GFM1: variants seen among roughly 807,000 people sequenced by gnomAD.
GFM1 encodes G elongation factor mitochondrial 1.
GFM1 carries 62 observed loss-of-function variants against 96.2 expected under a neutral mutation model. That is an observed-to-expected ratio of 0.64 (90% confidence interval 0.53 to 0.80). The LOEUF (loss-of-function observed/expected upper bound fraction) is 0.80, where lower values mean the gene tolerates loss of function less well. Among genes scored for constraint, GFM1 ranks in the 30% least tolerant of loss-of-function variants. The probability of loss-of-function intolerance (pLI) is 0.00; values close to 1 mark genes in which losing one functional copy is unlikely to be tolerated. For missense variants in GFM1, 852 were observed against 916.6 expected (o/e 0.93, Z 0.91); for synonymous variants, 282 against 312.9 (o/e 0.90, Z 1.04).
chr3:158,694,797 T>G lies in GFM1; in HGVS notation c.*3330T>G, dbSNP rs77478128. ...AACTTCTAAAAATTCGTAATTCAGG[T>G]AGGAAGAAAATGAAAGTATGAATAA... On this transcript the variant is annotated 3_prime_UTR_variant, in exon 18 of 18. Coordinates refer to ENST00000486715, the MANE Select transcript of GFM1 (RefSeq NM_024996.7). Among the ~76,000 whole-genome samples, 1,157 of 152,254 alleles carry G rather than the reference T, an allele frequency of 7.6e-3. 22 individuals carry two copies. The highest frequency in any genetic ancestry group is 0.027 in the African/African-American group (1,122 of 41,554).
chr3:158,663,151 T>G (rs1211072216), intron 11 of GFM1, among the ~76,000 whole-genome samples: 1 of 152,212 alleles, frequency 6.6e-6, no homozygotes, highest in East Asian at 1.9e-4. Context: ...TAAATAAGAC[T>G]TTTTTCCACT....
intron 15 of GFM1, among the ~76,000 whole-genome samples, chr3:158,689,176 A>G (rs1278422767): frequency 6.6e-6 from 1 of 152,246 alleles, no homozygotes. Context: ...TTACATTTAA[A>G]CATTAGCACT....
At chr3:158,668,967 T>C in intron 13 of GFM1, 2 of 1,552,152 alleles carry the variant, frequency 1.3e-6, no homozygotes, top group Non-Finnish European at 1.8e-6. Flanking sequence ...TTAACCCCAT[T>C]AATAGTGTAT....
At chr3:158,678,324 A>G (rs762254405) in intron 13 of GFM1, among the ~76,000 whole-genome samples, 3 of 152,208 alleles carry the variant, frequency 2.0e-5, no homozygotes, top group Non-Finnish European at 4.4e-5. Context: ...TCGCTGCCAT[A>G]GGTTGATTCC....
intron 9 of GFM1, among the ~76,000 whole-genome samples, chr3:158,660,008 C>T (rs4680453): frequency 2.0e-5 from 3 of 151,952 alleles, no homozygotes; most frequent in Admixed American, 6.6e-5. Flanking sequence ...CAATGTAAAA[C>T]GACAAAAACT....
chr3:158,676,293 T>A (rs993956860), intron 13 of GFM1, among the ~76,000 whole-genome samples: 7 of 149,438 alleles, frequency 4.7e-5, no homozygotes, highest in Non-Finnish European at 7.4e-5. Context: ...TTGACATTTC[T>A]TGGTTTTCTG....
chr3:158,688,157 T>G (rs775986497), intron 15 of GFM1, among the ~76,000 whole-genome samples: 5 of 152,170 alleles, frequency 3.3e-5, no homozygotes, highest in African/African-American at 7.2e-5. Context: ...TGAGCCTAAT[T>G]TTAAATGTTT....
At chr3:158,669,146 C>G in intron 13 of GFM1, 4 of 1,606,568 alleles carry the variant, frequency 2.5e-6, no homozygotes, top group Non-Finnish European at 3.4e-6. Context: ...GTAGGAGACA[C>G]ATTTATATGA....
Position 158,666,386 on chromosome 3 carries a change from C to G in GFM1, c.1601C>G (p.Pro534Arg), listed in dbSNP as rs780929821. 1 of 1,611,266 alleles carries G rather than the reference C, an allele frequency of 6.2e-7. No individual in the cohort carries two copies. The highest frequency in any genetic ancestry group is 1.1e-5 in the South Asian group (1 of 91,004). ...CGAGAGACCATTACTGCCCCTGTCC[C>G]GTAAGTATGCAACGTAATTAAACAT... is the stretch of plus-strand genomic sequence containing the variant. Reference protein sequence around the residue: ...AFRETITAPVPFDFTHKKQSG... With the variant: ...AFRETITAPVRFDFTHKKQSG... The change falls in exon 13 of 18, where the codon CCG (proline) becomes CGG (arginine). Residue 534 changes from proline to arginine, a missense_variant and splice_region_variant. Physicochemically the swap from Pro to Arg is moderately radical, Grantham distance 103. Coordinates refer to ENST00000486715, the MANE Select transcript of GFM1 (RefSeq NM_024996.7).
intron 4 of GFM1, among the ~76,000 whole-genome samples, chr3:158,648,678 CAA>C (rs9331287): frequency 0.17 from 17,762 of 102,306 alleles, 1,049 homozygotes; most frequent in African/African-American, 0.23. Flanking sequence ...ACTCTTGTCT[CAA>C]AAAAAAAAAA....
rs768621926 is a variant in GFM1, at chr3:158,653,493, T to G, written c.998+26T>G. On this transcript the variant is annotated intron_variant, in intron 7 of 17. Transcript: ENST00000486715. ...GTAAGTCTTGAAAATTGAATCTTAG[T>G]TTATGCAGAAATACTTTCGTATTTA... The G allele has an allele frequency of 2.6e-6, 4 of 1,558,564 alleles. No individual in the cohort carries two copies. The South Asian group carries it at 4.5e-5, about 17-fold the overall frequency.
intron 13 of GFM1, among the ~76,000 whole-genome samples, chr3:158,674,355 G>A (rs760597124): frequency 2.6e-5 from 4 of 152,014 alleles, no homozygotes; most frequent in Non-Finnish European, 5.9e-5. Context: ...CACCGTGCCT[G>A]GCCTCTCCAC....
intron 11 of GFM1, among the ~76,000 whole-genome samples, chr3:158,663,357 G>T (rs1723341318): frequency 6.6e-6 from 1 of 152,034 alleles, no homozygotes; most frequent in Non-Finnish European, 1.5e-5. Context: ...ATGTTAATGT[G>T]GTATATTGAA....
intron 5 of GFM1, chr3:158,649,889 G>C (rs1262690846): frequency 3.7e-6 from 3 of 807,250 alleles, no homozygotes; most frequent in African/African-American, 1.7e-5. Context: ...AGTTGATGCT[G>C]CTCTTACAGG....
intron 7 of GFM1, among the ~76,000 whole-genome samples, chr3:158,653,930 G>C (rs865782011): frequency 6.6e-6 from 1 of 152,188 alleles, no homozygotes; most frequent in Middle Eastern, 3.4e-3. Context: ...AATTAGCCGG[G>C]TGTGGTGGTG....
intron 15 of GFM1, among the ~76,000 whole-genome samples, chr3:158,687,483 T>A (rs1725956203): frequency 6.6e-6 from 1 of 152,110 alleles, no homozygotes; most frequent in Non-Finnish European, 1.5e-5. Context: ...AGTATTATTA[T>A]TTGAGATGGA....
chr3:158,675,592 C>T (rs1219787502), intron 13 of GFM1, among the ~76,000 whole-genome samples: 1 of 151,978 alleles, frequency 6.6e-6, no homozygotes, highest in Non-Finnish European at 1.5e-5. Flanking sequence ...AAACAAGTTA[C>T]TGATTCAATC....
chr3:158,672,630 A>G (rs1171615071), intron 13 of GFM1: 3 of 882,708 alleles, frequency 3.4e-6, no homozygotes, highest in Non-Finnish European at 5.0e-6. Flanking sequence ...GCTCCTTCCG[A>G]CTCCGGAAGC....
chr3:158,663,701 T>A (rs1352068679), intron 11 of GFM1, among the ~76,000 whole-genome samples: 1 of 152,250 alleles, frequency 6.6e-6, no homozygotes, highest in African/African-American at 2.4e-5. Context: ...TTAGAACTTA[T>A]GCTTATGTAT....
Sources: gnomAD v4.1 joint callset for allele counts (sites outside exome capture counted in the v4.1 genomes callset) on GRCh38, gnomAD v4.1.1 for gene constraint, MANE v1.5 for transcripts, NCBI Gene and HGNC (gene_info 2026-07-23, HGNC 2026-07-21) for gene names.